Variants in TTLL2 observed in about 807,000 individuals in gnomAD.
The protein encoded by TTLL2 is tubulin tyrosine ligase like 2.
A neutral mutation model predicts 7.5 loss-of-function variants in TTLL2; 10 were observed. That is an observed-to-expected ratio of 1.33 (90% CI 0.82 to 2.25). The LOEUF (loss-of-function observed/expected upper bound fraction) is 2.25, where lower values mean the gene tolerates loss of function less well. Among genes scored for constraint, TTLL2 ranks in the 30% most tolerant of loss-of-function variants. The pLI, the probability that TTLL2 is intolerant of heterozygous loss-of-function variation, is 0.00. For synonymous variants in TTLL2, 284 were observed against 280.3 expected, an observed-to-expected ratio of 1.01 and a Z score of -0.13; for missense variants, 733 against 735.7, an observed-to-expected ratio of 1.00 and a Z score of 0.04.
rs201082251 is a variant in TTLL2, at chr6:167,325,236, G to A, written c.47+16G>A. Reference sequence around the variant, plus strand: ...AGGCGCTGGGGTAAGCGTAGGAGGCGACACGTAGGATGGGAGGGTGGCCCC... The same window carrying A: ...AGGCGCTGGGGTAAGCGTAGGAGGCAACACGTAGGATGGGAGGGTGGCCCC... On this transcript the variant is annotated intron_variant, in intron 1 of 2. Transcript: ENST00000239587. The A allele has an allele frequency of 7.8e-5, 121 of 1,546,836 alleles. No homozygotes were observed. The African/African-American group carries it at 1.3e-3, about 17-fold the overall frequency.
rs1562374828 is a variant in TTLL2, at chr6:167,342,489, A to C, written c.*810A>C. Among the ~76,000 whole-genome samples the C allele has an allele frequency of 6.6e-6, 1 of 152,226 alleles. No homozygotes were observed. The highest frequency in any genetic ancestry group is 1.5e-5 in the Non-Finnish European group (1 of 68,038). ...ATGGAATGTCAGAATTGGCAAATCC[A>C]TCAAAAGCAGATTGGTGGCTTAGGG... On this transcript the variant is annotated 3_prime_UTR_variant, in exon 3 of 3. Transcript: ENST00000239587.
rs905669123 is a variant in TTLL2 at position 167,340,273 on chromosome 6, T to C, written c.373T>C (p.Trp125Arg). ...GAACGCGGAGGACTGGAACCTGTACTGGAGGACATCCTCTTTCCGAATGAC... is the reference window on the plus strand; with the variant it reads ...GAACGCGGAGGACTGGAACCTGTACCGGAGGACATCCTCTTTCCGAATGAC... ...EQNAEDWNLY[W>R]RTSSFRMTEH... Residue 125 changes from tryptophan (W) to arginine (R), a missense_variant, in exon 3 of 3, where the codon TGG (tryptophan) becomes CGG (arginine). Physicochemically the swap from Trp to Arg is moderately radical, Grantham distance 101. Transcript: ENST00000239587. 1.9e-6 allele frequency: 3 copies of C among 1,614,002 alleles called. No homozygotes were observed. Among genetic ancestry groups the C allele is most frequent in the Admixed American group, 3.3e-5 (2 of 59,996 alleles).
chr6:167,331,132 A>T (rs547457346), intron 1 of TTLL2, among the ~76,000 whole-genome samples: 1 of 152,210 alleles, frequency 6.6e-6, no homozygotes, highest in Non-Finnish European at 1.5e-5. Flanking sequence ...TTATTAACTG[A>T]AAAATATTAA....
At chr6:167,336,213 G>C (rs1778982158) in intron 1 of TTLL2, among the ~76,000 whole-genome samples, 1 of 151,912 alleles carries the variant, frequency 6.6e-6, no homozygotes, top group African/African-American at 2.4e-5. Flanking sequence ...ATTTTATGAG[G>C]AGCCTCCATG....
chr6:167,325,261 C>G, intron 1 of TTLL2, 41 bp downstream of exon 1: 1 of 1,495,634 alleles, frequency 6.7e-7, no homozygotes, highest in East Asian at 2.6e-5. Context: ...AGGGTGGCCC[C>G]GATCATGCCT....
At chr6:167,339,913 A>T (rs1239161635) in intron 2 of TTLL2, among the ~76,000 whole-genome samples, 192 bp from the exon 3 acceptor site, 5 of 152,154 alleles carry the variant, frequency 3.3e-5, no homozygotes, top group Non-Finnish European at 7.3e-5. Context: ...CCAGGACAAG[A>T]TGGATTTATT....
At chr6:167,335,668 G>A (rs1778975190) in intron 1 of TTLL2, among the ~76,000 whole-genome samples, 1 of 151,898 alleles carries the variant, frequency 6.6e-6, no homozygotes, top group South Asian at 2.1e-4. Context: ...CATGTCCTTT[G>A]TAGGGACATG....
chr6:167,326,209 C>T (rs1450655264), intron 1 of TTLL2, among the ~76,000 whole-genome samples: 47 of 152,034 alleles, frequency 3.1e-4, no homozygotes, highest in African/African-American at 2.4e-5. Flanking sequence ...ACCTCTGCGA[C>T]CTTAGAACTT....
intron 1 of TTLL2, among the ~76,000 whole-genome samples, chr6:167,331,765 C>G (rs778617009): frequency 6.6e-6 from 1 of 152,198 alleles, no homozygotes; most frequent in African/African-American, 2.4e-5. Context: ...TGTACTTCAA[C>G]CACTCATACA....
At chr6:167,326,014 G>A (rs1487111232) in intron 1 of TTLL2, among the ~76,000 whole-genome samples, 3 of 152,164 alleles carry the variant, frequency 2.0e-5, no homozygotes, top group Admixed American at 6.5e-5. Context: ...CGCAGGCAGA[G>A]GTCATGATGA....
Position 167,340,899 on chromosome 6 carries a change from C to G in TTLL2, c.999C>G (p.Ser333Arg). 6.2e-7 allele frequency: 1 copy of G among 1,614,146 alleles called. No homozygotes were observed. The change falls in exon 3 of 3, where the codon AGC becomes AGG. Residue 333 changes from serine (S) to arginine (R), a missense_variant. By Grantham distance (110) the Ser-to-Arg change is moderately radical. Coordinates refer to ENST00000239587, the MANE Select transcript of TTLL2 (RefSeq NM_031949.5). ...GCAGATTTTTTTCCTACCTTCGTAG[C>G]TGGGATGTGGACGATCTGCTTTTGT... ...TLSRFFSYLR[S>R]WDVDDLLLWK...
rs370667536 is a variant in TTLL2, at chr6:167,340,457, A to G, written c.557A>G (p.Asn186Ser). The change falls in exon 3 of 3, where the codon AAT (asparagine) becomes AGT (serine). Residue 186 changes from asparagine (N) to serine (S), a missense_variant. Transcript: ENST00000239587. ...QFIPLTFVMP[N>S]DYTKFVAEYF... The stretch of plus-strand genomic sequence containing the variant: ...ATCCCCCTGACGTTCGTCATGCCCA[A>G]TGACTATACCAAGTTCGTGGCTGAA... 10 of 1,614,108 alleles carry G rather than the reference A, an allele frequency of 6.2e-6. No individual in the cohort carries two copies. The highest frequency in any genetic ancestry group is 2.2e-5 in the South Asian group (2 of 91,066).
chr6:167,337,874 A>G (rs1779010769), intron 1 of TTLL2, among the ~76,000 whole-genome samples: 1 of 151,608 alleles, frequency 6.6e-6, no homozygotes. Flanking sequence ...CAAAATATAC[A>G]CACAATATAA....
rs758899568 is a variant in TTLL2, at chr6:167,341,517, G to A, written c.1617G>A (p.Pro539=). The change falls in exon 3 of 3, where the codon CCG becomes CCA. Residue 539 remains proline, a synonymous_variant. Coordinates refer to ENST00000239587, the MANE Select transcript of TTLL2 (RefSeq NM_031949.5). The part of the protein sequence containing the change: ...QSHSCKTKTS[P]CVLSDRGKAP... ...ACTCCTGCAAGACCAAGACCTCCCCGTGTGTCCTGTCAGACCGTGGCAAAG... is the reference window on the plus strand; with the variant it reads ...ACTCCTGCAAGACCAAGACCTCCCCATGTGTCCTGTCAGACCGTGGCAAAG... The A allele has an allele frequency of 7.2e-5, 116 of 1,614,088 alleles. No homozygotes were observed. The highest frequency in any genetic ancestry group is 8.9e-5 in the Non-Finnish European group (105 of 1,180,034).
chr6:167,342,076 G>T lies in TTLL2; in HGVS notation c.*397G>T, dbSNP rs1016551425. 15 of 159,178 alleles carry T rather than the reference G, an allele frequency of 9.4e-5. No individual in the cohort carries two copies. The East Asian group carries it at 1.9e-3, about 20-fold the overall frequency. The allele number at this position is 159,178 out of a possible 1,614,324, so 9.9% of individuals were successfully genotyped here. A position where few individuals can be genotyped will look rare whatever the true frequency, so the allele number is the denominator to read the frequency against. On this transcript the variant is annotated 3_prime_UTR_variant, in exon 3 of 3. Coordinates refer to ENST00000239587, the MANE Select transcript of TTLL2 (RefSeq NM_031949.5). ...GAAGCCAGGAGTTAACTTTCTGTGT[G>T]TTTTTTTTTAAATCAACCAGTTATT...
intron 1 of TTLL2, among the ~76,000 whole-genome samples, chr6:167,337,687 G>C (rs1779007216): frequency 6.6e-6 from 1 of 151,852 alleles, no homozygotes; most frequent in African/African-American, 2.4e-5. Flanking sequence ...GTATTTCTTG[G>C]TGATAGGAAA....
rs1562373745 is a variant in TTLL2 at position 167,340,634 on chromosome 6, A to C, written c.734A>C (p.Asn245Thr). The change falls in exon 3 of 3, where the codon AAT (asparagine) becomes ACT (threonine). Residue 245 changes from asparagine (N) to threonine (T), a missense_variant. Transcript: ENST00000239587. ...DMYIVQKYIS[N>T]PLLIGRYKCD... ...TACATAGTGCAGAAATATATCTCCA[A>C]TCCTTTACTTATTGGCAGATATAAA... is the stretch of plus-strand genomic sequence containing the variant. 6.2e-7 allele frequency: 1 copy of C among 1,614,198 alleles called. No individual in the cohort carries two copies.
Position 167,340,282 on chromosome 6 carries a change from TC to T in TTLL2, c.384del (p.Ser129LeufsTer4), listed in dbSNP as rs749079883. The part of the protein sequence containing the change: ...AEDWNLYWRT[S>X]SFRMTEHNSV... ...GGACTGGAACCTGTACTGGAGGACA[TC>T]CTCTTTCCGAATGACCGAACACAAC... On this transcript the variant is annotated frameshift_variant, in exon 3 of 3. Coordinates refer to ENST00000239587, the MANE Select transcript of TTLL2 (RefSeq NM_031949.5). LOFTEE classifies it low-confidence loss of function (END_TRUNC). 1.4e-5 allele frequency: 22 copies of T among 1,613,934 alleles called. No individual in the cohort carries two copies. The South Asian group carries it at 2.4e-4, about 18-fold the overall frequency.
intron 1 of TTLL2, among the ~76,000 whole-genome samples, chr6:167,328,544 C>T (rs564197244): frequency 2.0e-5 from 3 of 152,294 alleles, no homozygotes; most frequent in East Asian, 3.9e-4. Flanking sequence ...TTCAAAGTGT[C>T]TGTCTGTTGG....
Sources: gnomAD v4.1 joint callset for allele counts (sites outside exome capture counted in the v4.1 genomes callset) on GRCh38, gnomAD v4.1.1 for gene constraint, MANE v1.5 for transcripts, NCBI Gene and HGNC (gene_info 2026-07-23, HGNC 2026-07-21) for gene names.